The following UMAD1 variants were observed in gnomAD, a reference collection of about 807,000 sequenced individuals.
The protein encoded by UMAD1 is UBAP1-MVB12-associated (UMA) domain containing 1, also known as UBAP1-MVB12-associated (UMA)-domain containing protein 1.
Under a neutral mutation model 6.1 loss-of-function variants are expected in UMAD1, and 8 were observed. That is an observed-to-expected ratio of 1.30 (90% CI 0.76 to 2.35). The LOEUF is 2.35. Among genes scored for constraint, UMAD1 ranks in the 30% most tolerant of loss-of-function variants. UMAD1 has a pLI of 0.00. For missense variants in UMAD1, 130 were observed against 78.4 expected (o/e 1.66, Z -2.49); for synonymous variants, 56 against 31.4 (o/e 1.78, Z -2.61).
intron 2 of UMAD1, among the ~76,000 whole-genome samples, chr7:7,686,563 T>A (rs1323980710): frequency 6.6e-6 from 1 of 152,224 alleles, no homozygotes; most frequent in African/African-American, 2.4e-5. Context: ...CATGCACGTA[T>A]ACTCATACGA....
intron 3 of UMAD1, among the ~76,000 whole-genome samples, chr7:7,828,474 T>C (rs887077729): frequency 6.6e-6 from 1 of 152,154 alleles, no homozygotes; most frequent in African/African-American, 2.4e-5. Flanking sequence ...GAATCAAAAT[T>C]GGGGAATACA....
chr7:7,778,265 TGTGTGTGTGTG>T (rs1563198412), intron 2 of UMAD1, among the ~76,000 whole-genome samples: 15 of 109,482 alleles, frequency 1.4e-4, no homozygotes, highest in East Asian at 1.3e-3. Context: ...TGTGTGTGTG[TGTGTGTGTGTG>T]AGAGAGAGAG....
At chr7:7,672,613 C>G (rs1779635041) in intron 1 of UMAD1, among the ~76,000 whole-genome samples, 1 of 152,152 alleles carries the variant, frequency 6.6e-6, no homozygotes. Flanking sequence ...TGAGTGAGTT[C>G]TCATGAGATC....
chr7:7,847,098 AAAAAAAATAT>A (rs1308606590), intron 3 of UMAD1, among the ~76,000 whole-genome samples: 2 of 46,932 alleles, frequency 4.3e-5, no homozygotes, highest in Non-Finnish European at 7.0e-5. Flanking sequence ...AAAAAAAAAA[AAAAAAAATAT>A]ATATATATAT....
chr7:7,747,517 A>G (rs571169510), intron 2 of UMAD1, among the ~76,000 whole-genome samples: 26 of 152,332 alleles, frequency 1.7e-4, no homozygotes, highest in Non-Finnish European at 3.5e-4. Context: ...CATTACAGTG[A>G]CAGTCAGAAA....
intron 2 of UMAD1, among the ~76,000 whole-genome samples, chr7:7,713,939 A>G (rs1340831731): frequency 2.0e-5 from 3 of 152,004 alleles, no homozygotes; most frequent in African/African-American, 7.3e-5. Flanking sequence ...GTCTCAAGTG[A>G]TCTTCCTGCC....
At chr7:7,839,212 C>CT (rs1321626291) in intron 3 of UMAD1, among the ~76,000 whole-genome samples, 3 of 151,980 alleles carry the variant, frequency 2.0e-5, no homozygotes, top group Admixed American at 6.6e-5. Flanking sequence ...AGGGTGGGCA[C>CT]TTTTTTTGTT....
chr7:7,642,141 G>A (rs568850617), intron 1 of UMAD1, among the ~76,000 whole-genome samples: 2 of 151,980 alleles, frequency 1.3e-5, no homozygotes, highest in African/African-American at 4.8e-5. Flanking sequence ...GTCTTTAATA[G>A]CATTTTTTTT....
intron 3 of UMAD1, among the ~76,000 whole-genome samples, chr7:7,854,021 C>T (rs187901419): frequency 2.1e-4 from 32 of 152,210 alleles, no homozygotes; most frequent in Middle Eastern, 3.4e-3. Flanking sequence ...TCCGTTCTCA[C>T]GTTGCCATAA....
chr7:7,656,322 T>TG (rs1449609977), intron 1 of UMAD1, among the ~76,000 whole-genome samples: 2 of 152,184 alleles, frequency 1.3e-5, no homozygotes, highest in African/African-American at 4.8e-5. Context: ...AAATTTTTTT[T>TG]TTGTTTTATT....
intron 3 of UMAD1, among the ~76,000 whole-genome samples, chr7:7,812,277 T>C (rs1170309016): frequency 6.6e-6 from 1 of 152,204 alleles, no homozygotes; most frequent in African/African-American, 2.4e-5. Context: ...ATGTGAGTTT[T>C]ATGCAATGTT....
At chr7:7,793,082 G>C (rs932804453) in intron 2 of UMAD1, among the ~76,000 whole-genome samples, 1 of 152,218 alleles carries the variant, frequency 6.6e-6, no homozygotes, top group Non-Finnish European at 1.5e-5. Flanking sequence ...TGCTGAACGA[G>C]CGTGTCGCTA....
At chr7:7,823,183 T>C (rs1377674276) in intron 3 of UMAD1, among the ~76,000 whole-genome samples, 1 of 152,106 alleles carries the variant, frequency 6.6e-6, no homozygotes, top group East Asian at 1.9e-4. Context: ...TCCCCTAATA[T>C]GTAGTTAATA....
intron 1 of UMAD1, among the ~76,000 whole-genome samples, chr7:7,661,334 C>A (rs1785469641): frequency 6.6e-6 from 1 of 151,650 alleles, no homozygotes; most frequent in Non-Finnish European, 1.5e-5. Flanking sequence ...GTCAAACTCA[C>A]CATTTTTGTT....
At position 7,878,312 on chromosome 7, in the gene UMAD1, G is replaced by A. The variant is rs1442088968; in HGVS notation, c.*774G>A. ...ACCACATATGTTCCCAGTTTATGAA[G>A]AGATCCACATTTCCTTTCAACCCCT... is the stretch of plus-strand genomic sequence containing the variant. On this transcript the variant is annotated 3_prime_UTR_variant, in exon 4 of 4. Transcript: ENST00000682710. 6.6e-6 allele frequency: 1 copy of A among 152,158 alleles called. No individual in the cohort carries two copies. The highest frequency in any genetic ancestry group is 1.5e-5 in the Non-Finnish European group (1 of 68,062). 9.4% of individuals were successfully genotyped at this position (152,158 alleles called of 1,614,324 possible). A position where few individuals can be genotyped will look rare whatever the true frequency, so the allele number is the denominator to read the frequency against.
chr7:7,704,722 G>A (rs1419378282), intron 2 of UMAD1, among the ~76,000 whole-genome samples: 2 of 120,560 alleles, frequency 1.7e-5, no homozygotes, highest in African/African-American at 3.2e-5. Flanking sequence ...AGCTGAGATC[G>A]CACCACTGTA....
chr7:7,834,681 T>C (rs1207521576), intron 3 of UMAD1, among the ~76,000 whole-genome samples: 1 of 151,756 alleles, frequency 6.6e-6, no homozygotes, highest in Non-Finnish European at 1.5e-5. Flanking sequence ...ATGAGGGCCC[T>C]ACCCTTATGA....
chr7:7,846,810 T>C (rs1255857268), intron 3 of UMAD1, among the ~76,000 whole-genome samples: 3 of 149,718 alleles, frequency 2.0e-5, no homozygotes, highest in Non-Finnish European at 3.0e-5. Flanking sequence ...TTTAAAAATA[T>C]ATTTGATCCA....
chr7:7,662,259 G>A (rs1583705989), intron 1 of UMAD1, among the ~76,000 whole-genome samples: 2 of 152,186 alleles, frequency 1.3e-5, no homozygotes, highest in South Asian at 4.1e-4. Context: ...ATGGGGTTGG[G>A]ATCCACTGAG....
Sources: allele counts gnomAD v4.1 joint callset (sites outside exome capture counted in the v4.1 genomes callset), GRCh38; gene constraint gnomAD v4.1.1; transcripts MANE v1.5; gene names NCBI Gene and HGNC (gene_info 2026-07-23, HGNC 2026-07-21).